The following PHKB variants were observed in gnomAD, a reference collection of about 807,000 sequenced individuals.
The protein encoded by PHKB is phosphorylase b kinase regulatory subunit beta.
PHKB carries 122 observed loss-of-function variants against 152.1 expected under a neutral mutation model. That is an observed-to-expected ratio of 0.80 (90% CI 0.69 to 0.93). The LOEUF (loss-of-function observed/expected upper bound fraction) is 0.93, where lower values mean the gene tolerates loss of function less well. Ranked by LOEUF, PHKB falls within the 40% of genes least tolerant of loss-of-function variation. The pLI is 0.00. For missense variants in PHKB, 1,304 were observed against 1,328.4 expected (o/e 0.98, Z 0.29); for synonymous variants, 436 against 464.9 (o/e 0.94, Z 0.80).
chr16:47,692,896 A>C (rs1974086817), intron 27 of PHKB, among the ~76,000 whole-genome samples: 1 of 152,176 alleles, frequency 6.6e-6, no homozygotes, highest in Non-Finnish European at 1.5e-5. Context: ...TTCTATATAA[A>C]ATGCTTTTTT....
chr16:47,468,191 G>A (rs1233151089), intron 1 of PHKB, among the ~76,000 whole-genome samples: 1 of 152,116 alleles, frequency 6.6e-6, no homozygotes, highest in African/African-American at 2.4e-5. Context: ...CCTAGTCCAA[G>A]CCACTTTTAT....
chr16:47,559,314 C>G, intron 7 of PHKB, among the ~76,000 whole-genome samples: 1 of 152,118 alleles, frequency 6.6e-6, no homozygotes, highest in Non-Finnish European at 1.5e-5. Flanking sequence ...TGTAATTGGC[C>G]TAATTGTTCT....
At chr16:47,693,921 T>C (rs1974105338) in intron 28 of PHKB, among the ~76,000 whole-genome samples, 1 of 152,252 alleles carries the variant, frequency 6.6e-6, no homozygotes, top group Non-Finnish European at 1.5e-5. Flanking sequence ...TTGGCTTTAC[T>C]TTAAGTGTGG....
chr16:47,681,079 T>G (rs1391955826), intron 26 of PHKB, among the ~76,000 whole-genome samples: 1 of 152,154 alleles, frequency 6.6e-6, no homozygotes, highest in Non-Finnish European at 1.5e-5. Flanking sequence ...GTTGAGCGGG[T>G]TTGAGTGAGT....
At chr16:47,622,287 A>G (rs1258543352) in intron 14 of PHKB, among the ~76,000 whole-genome samples, 1 of 152,160 alleles carries the variant, frequency 6.6e-6, no homozygotes, top group Non-Finnish European at 1.5e-5. Flanking sequence ...ATCTATTCAC[A>G]TTTTTAAAGG....
intron 26 of PHKB, among the ~76,000 whole-genome samples, chr16:47,672,612 A>T (rs1320418976): frequency 6.6e-6 from 1 of 152,124 alleles, no homozygotes; most frequent in African/African-American, 2.4e-5. Flanking sequence ...GAAGGTAAAC[A>T]GTTTCCCAAG....
At chr16:47,666,675 C>T (rs959646198) in intron 25 of PHKB, among the ~76,000 whole-genome samples, 1 of 152,256 alleles carries the variant, frequency 6.6e-6, no homozygotes, top group Non-Finnish European at 1.5e-5. Context: ...GCTGTGAACC[C>T]CCAGGGGTCA....
chr16:47,569,417 C>T (rs186778412), intron 7 of PHKB, among the ~76,000 whole-genome samples: 62 of 152,228 alleles, frequency 4.1e-4, no homozygotes, highest in African/African-American at 1.4e-3. Flanking sequence ...AGGTGGGTCT[C>T]TTGAAGGCAG....
chr16:47,489,571 C>A (rs183941519), intron 1 of PHKB, among the ~76,000 whole-genome samples: 2 of 152,336 alleles, frequency 1.3e-5, no homozygotes, highest in Admixed American at 1.3e-4. Context: ...TGAGCCCAGC[C>A]ATGGGTTTGT....
At position 47,610,976 on chromosome 16, in the gene PHKB, T is replaced by C. The variant is rs575927657; in HGVS notation, c.1458+56T>C. The C allele has an allele frequency of 7.3e-6, 8 of 1,091,492 alleles. No homozygotes were observed. In the East Asian group the frequency reaches 9.4e-5, roughly 13 times the overall value. The allele number at this position is 1,091,492 out of a possible 1,614,324, so 67.6% of individuals were successfully genotyped here. A position where few individuals can be genotyped will look rare whatever the true frequency, so the allele number is the denominator to read the frequency against. On this transcript the variant is annotated intron_variant, in intron 14 of 30. Coordinates refer to ENST00000323584, the MANE Select transcript of PHKB (RefSeq NM_000293.3). ...CTCGTCCAGAGACATTTAAGCTTAA[T>C]TGAAGAGGAAATTTTTGTTCTGAAT...
intron 4 of PHKB, among the ~76,000 whole-genome samples, chr16:47,506,799 A>G (rs1265272348): frequency 6.6e-6 from 1 of 152,198 alleles, no homozygotes; most frequent in East Asian, 1.9e-4. Flanking sequence ...ACTAACACCA[A>G]CCATAGCTGA....
chr16:47,526,407 T>TAA (rs879298170), intron 6 of PHKB, among the ~76,000 whole-genome samples: 19 of 140,338 alleles, frequency 1.4e-4, no homozygotes, highest in Non-Finnish European at 1.4e-4. Context: ...GAGATTCTTC[T>TAA]AAAAAAAAAA....
intron 11 of PHKB, 22 bp from the exon 12 acceptor site, chr16:47,594,115 G>A: frequency 7.6e-7 from 1 of 1,307,806 alleles, no homozygotes. Context: ...GCTGCTATTG[G>A]ATTTTATATT....
intron 16 of PHKB, among the ~76,000 whole-genome samples, chr16:47,644,420 G>A (rs1003922745): frequency 6.6e-6 from 1 of 152,164 alleles, no homozygotes; most frequent in Non-Finnish European, 1.5e-5. Context: ...TTGGGCTGCT[G>A]TTCTACAGGA....
chr16:47,487,776 C>T (rs1175163341), intron 1 of PHKB, among the ~76,000 whole-genome samples: 3 of 152,158 alleles, frequency 2.0e-5, no homozygotes, highest in African/African-American at 7.2e-5. Flanking sequence ...GACGTGATTC[C>T]ATTTTTTTAT....
intron 14 of PHKB, among the ~76,000 whole-genome samples, chr16:47,611,479 G>A (rs911384287): frequency 3.9e-5 from 6 of 152,126 alleles, no homozygotes; most frequent in African/African-American, 9.7e-5. Flanking sequence ...CCAGTAATGA[G>A]GACTGTTAAA....
Position 47,474,629 on chromosome 16 carries a change from C to T in PHKB, c.76+13203C>T, listed in dbSNP as rs117409062. 9.8e-3 allele frequency among the ~76,000 whole-genome samples: 1,487 copies of T among 152,024 alleles called. 12 individuals carry two copies. The highest frequency in any genetic ancestry group is 0.017 in the Non-Finnish European group (1,140 of 67,986). ...TTAACTTTGGTTGCATTAACTTTGT[C>T]GGCTCACTTGTAAATATCTGATGAT... On this transcript the variant is annotated intron_variant, in intron 1 of 30. Coordinates refer to ENST00000323584, the MANE Select transcript of PHKB (RefSeq NM_000293.3).
intron 1 of PHKB, among the ~76,000 whole-genome samples, chr16:47,475,323 C>T (rs1969849806): frequency 6.6e-6 from 1 of 152,184 alleles, no homozygotes; most frequent in South Asian, 2.1e-4. Context: ...TGGGACATCT[C>T]AAGTTCTAGC....
intron 7 of PHKB, chr16:47,566,310 TC>T: frequency 1.8e-6 from 2 of 1,123,378 alleles, no homozygotes; most frequent in South Asian, 2.5e-5. Context: ...TCAGTCTGTA[TC>T]TGTTTTGTCA....
Sources: gnomAD v4.1 joint callset for allele counts (sites outside exome capture counted in the v4.1 genomes callset) on GRCh38, gnomAD v4.1.1 for gene constraint, MANE v1.5 for transcripts, NCBI Gene and HGNC (gene_info 2026-07-23, HGNC 2026-07-21) for gene names.